The following KIT variants were observed in gnomAD, a reference collection of about 807,000 sequenced individuals.
KIT encodes mast/stem cell growth factor receptor Kit.
In KIT, 16 loss-of-function variants were observed where a neutral mutation model predicts 105.7. The observed-to-expected ratio is 0.15, with a 90% CI of 0.10 to 0.23. The LOEUF (loss-of-function observed/expected upper bound fraction) is 0.23, where lower values mean the gene tolerates loss of function less well. Among genes scored for constraint, KIT ranks in the 10% least tolerant of loss-of-function variants. KIT has a pLI of 1.00. For missense variants in KIT, 858 were observed against 1,213.8 expected (o/e 0.71, Z 4.36); for synonymous variants, 438 against 441.1 (o/e 0.99, Z 0.09).
intron 2 of KIT, among the ~76,000 whole-genome samples, 191 bp from the exon 3 acceptor site, chr4:54,698,093 T>C (rs1209464860): frequency 6.6e-6 from 1 of 152,216 alleles, no homozygotes; most frequent in African/African-American, 2.4e-5. Flanking sequence ...TAGTGCGTGA[T>C]ACATGGAAAG....
At chr4:54,667,971 C>T (rs1717824362) in intron 1 of KIT, among the ~76,000 whole-genome samples, 1 of 152,198 alleles carries the variant, frequency 6.6e-6, no homozygotes. Flanking sequence ...GTGGGCTCAA[C>T]TTCTGATTGT....
rs1060504656 is a variant in KIT, at chr4:54,698,462, C to T, written c.516C>T (p.Ile172=). The change falls in exon 3 of 21, where the codon ATC becomes ATT. Residue 172 remains isoleucine, a synonymous_variant. Coordinates refer to ENST00000288135, the MANE Select transcript of KIT (RefSeq NM_000222.3). The part of the protein sequence containing the change: ...FIPDPKAGIM[I]KSVKRAYHRL... ...CTGACCCCAAGGCGGGCATCATGAT[C>T]AAAAGTGTGAAACGCGCCTACCATC... 6.8e-6 allele frequency: 11 copies of T among 1,614,044 alleles called. No homozygotes were observed. Among genetic ancestry groups the T allele is most frequent in the Non-Finnish European group, 9.3e-6 (11 of 1,180,032 alleles).
At chr4:54,730,838 A>G (rs1424209660) in intron 14 of KIT, among the ~76,000 whole-genome samples, 1 of 152,144 alleles carries the variant, frequency 6.6e-6, no homozygotes, top group Non-Finnish European at 1.5e-5. Context: ...GGTTCAGAAA[A>G]TCATCCAAAT....
intron 8 of KIT, among the ~76,000 whole-genome samples, chr4:54,724,998 C>G (rs1021727170): frequency 2.6e-5 from 4 of 152,104 alleles, no homozygotes; most frequent in Admixed American, 2.6e-4. Context: ...GAAAAGGATC[C>G]CTTGCAGTGG....
intron 1 of KIT, among the ~76,000 whole-genome samples, chr4:54,660,288 C>T (rs911075788): frequency 6.6e-6 from 1 of 152,202 alleles, no homozygotes; most frequent in African/African-American, 2.4e-5. Flanking sequence ...TTGAGGGCCC[C>T]CGCCCCCCAA....
At chr4:54,678,010 G>A (rs1030197780) in intron 1 of KIT, among the ~76,000 whole-genome samples, 2 of 152,184 alleles carry the variant, frequency 1.3e-5, no homozygotes, top group African/African-American at 2.4e-5. Context: ...TGATTGATGT[G>A]TGGTTTTTGT....
chr4:54,701,383 A>C (rs561408365), intron 4 of KIT, among the ~76,000 whole-genome samples: 1 of 151,816 alleles, frequency 6.6e-6, no homozygotes, highest in East Asian at 1.9e-4. Flanking sequence ...ATTATTAAAA[A>C]ATCCATAATA....
chr4:54,678,191 C>T (rs891745000), intron 1 of KIT, among the ~76,000 whole-genome samples: 1 of 152,106 alleles, frequency 6.6e-6, no homozygotes, highest in African/African-American at 2.4e-5. Flanking sequence ...GCAGGAAGAA[C>T]TATAATTTTG....
rs112900482 is a variant in KIT, at chr4:54,722,746, G to C, written c.1232-838G>C. Among the ~76,000 whole-genome samples the C allele has an allele frequency of 9.5e-3, 1,433 of 150,288 alleles. 5 individuals carry two copies. The highest frequency in any genetic ancestry group is 0.058 in the Middle Eastern group (17 of 292). Reference sequence around the variant, plus strand: ...TCTTGAGTGTTAGCTGGTTATTGTAGTTACATAGAAATACCAAATTAGAGC... The same window carrying C: ...TCTTGAGTGTTAGCTGGTTATTGTACTTACATAGAAATACCAAATTAGAGC... On this transcript the variant is annotated intron_variant, in intron 7 of 20. Coordinates refer to ENST00000288135, the MANE Select transcript of KIT (RefSeq NM_000222.3).
intron 15 of KIT, 78 bp from the exon 16 acceptor site, chr4:54,731,793 G>C (rs914960088): frequency 6.8e-7 from 1 of 1,460,970 alleles, no homozygotes; most frequent in South Asian, 1.1e-5. Context: ...CCAGCCTTTG[G>C]TATGTCATTG....
intron 1 of KIT, among the ~76,000 whole-genome samples, chr4:54,689,051 G>T (rs775185007): frequency 6.6e-6 from 1 of 152,206 alleles, no homozygotes; most frequent in Non-Finnish European, 1.5e-5. Context: ...GTCCTTAAAT[G>T]GAGTACTTGT....
intron 1 of KIT, among the ~76,000 whole-genome samples, chr4:54,662,572 A>AT (rs1229941513): frequency 1.5e-4 from 23 of 152,004 alleles, no homozygotes; most frequent in Non-Finnish European, 2.9e-4. Context: ...TTAGAAAGGC[A>AT]TTTTTTTTGT....
intron 20 of KIT, 126 bp from the exon 21 acceptor site, chr4:54,738,303 C>A: frequency 8.3e-7 from 1 of 1,199,846 alleles, no homozygotes; most frequent in Non-Finnish European, 1.2e-6. Context: ...CCACAAAGTT[C>A]TTGGAAACCA....
intron 16 of KIT, 47 bp downstream of exon 16, chr4:54,732,045 A>ATTTTTTTTTTT (rs71662297): frequency 1.2e-5 from 11 of 888,850 alleles, no homozygotes; most frequent in African/African-American, 4.4e-5. Context: ...TGTTTTTTTG[A>ATTTTTTTTTTT]TTTTTTTTTT....
At chr4:54,724,666 A>C (rs1022220044) in intron 8 of KIT, among the ~76,000 whole-genome samples, 6 of 152,092 alleles carry the variant, frequency 3.9e-5, no homozygotes, top group Non-Finnish European at 8.8e-5. Context: ...AGGGGTGTTC[A>C]GTCTTTTAGC....
chr4:54,662,633 C>T (rs1401688021), intron 1 of KIT, among the ~76,000 whole-genome samples: 21 of 152,096 alleles, frequency 1.4e-4, no homozygotes, highest in African/African-American at 4.8e-4. Flanking sequence ...AGTGCAATGG[C>T]GCAATCTCGT....
rs540746375 is a variant in KIT, at chr4:54,702,771, C to T, written c.757-953C>T. 1.1e-4 allele frequency among the ~76,000 whole-genome samples: 17 copies of T among 152,258 alleles called. No homozygotes were observed. The East Asian group carries it at 2.9e-3, about 26-fold the overall frequency. Reference sequence around the variant, plus strand: ...AGGGTATGAACATCCTGGTAAGCTCCTTTCCAGAAGGATTTTTCTGATTTA... The same window carrying T: ...AGGGTATGAACATCCTGGTAAGCTCTTTTCCAGAAGGATTTTTCTGATTTA... On this transcript the variant is annotated intron_variant, in intron 4 of 20. Coordinates refer to ENST00000288135, the MANE Select transcript of KIT (RefSeq NM_000222.3).
At chr4:54,676,796 C>G in intron 1 of KIT, among the ~76,000 whole-genome samples, 1 of 152,096 alleles carries the variant, frequency 6.6e-6, no homozygotes. Context: ...ACGCTGCACC[C>G]CCAAAGGTGT....
At chr4:54,728,809 A>G (rs1722400963) in intron 13 of KIT, among the ~76,000 whole-genome samples, 1 of 152,192 alleles carries the variant, frequency 6.6e-6, no homozygotes, top group African/African-American at 2.4e-5. Context: ...CTACAGTTTA[A>G]ACATTCATAG....
Sources: gnomAD v4.1 joint callset for allele counts (sites outside exome capture counted in the v4.1 genomes callset) on GRCh38, gnomAD v4.1.1 for gene constraint, MANE v1.5 for transcripts, NCBI Gene and HGNC (gene_info 2026-07-23, HGNC 2026-07-21) for gene names.